KCNH1: variants seen among roughly 807,000 people sequenced by gnomAD.
The protein encoded by KCNH1 is voltage-gated delayed rectifier potassium channel KCNH1.
Under a neutral mutation model 69.2 loss-of-function variants are expected in KCNH1, and 27 were observed. The ratio of observed to expected loss-of-function variants is 0.39; its 90% CI spans 0.29 to 0.54. KCNH1 has a LOEUF of 0.54. Among genes scored for constraint, KCNH1 ranks in the 20% least tolerant of loss-of-function variants. KCNH1 has a pLI of 0.68. For missense variants in KCNH1, 798 were observed against 1,261.6 expected (o/e 0.63, Z 5.57); for synonymous variants, 456 against 487.7 (o/e 0.93, Z 0.86).
chr1:210,983,717 C>T (rs1688763238), intron 6 of KCNH1, among the ~76,000 whole-genome samples: 1 of 152,154 alleles, frequency 6.6e-6, no homozygotes, highest in Non-Finnish European at 1.5e-5. Flanking sequence ...ATGTCTCCAG[C>T]TTTGTTCTTT....
At chr1:210,803,208 T>C (rs1291259767) in intron 8 of KCNH1, among the ~76,000 whole-genome samples, 1 of 152,192 alleles carries the variant, frequency 6.6e-6, no homozygotes, top group Non-Finnish European at 1.5e-5. Context: ...ATTCAAGCAA[T>C]TCTCCTGCCT....
chr1:211,044,444 C>G (rs1690055975), intron 5 of KCNH1, among the ~76,000 whole-genome samples: 2 of 152,216 alleles, frequency 1.3e-5, no homozygotes, highest in South Asian at 4.1e-4. Flanking sequence ...CTTTGCACAG[C>G]AAAAGGAGCA....
chr1:210,842,359 C>T (rs1022106089), intron 7 of KCNH1, among the ~76,000 whole-genome samples: 4 of 152,174 alleles, frequency 2.6e-5, no homozygotes, highest in East Asian at 1.9e-4. Flanking sequence ...TTTAGAGACA[C>T]GAAGAGGGTT....
At chr1:210,873,156 G>T (rs1368138136) in intron 7 of KCNH1, among the ~76,000 whole-genome samples, 1 of 152,046 alleles carries the variant, frequency 6.6e-6, no homozygotes, top group Non-Finnish European at 1.5e-5. Flanking sequence ...ATTACTTCTT[G>T]CTTCCCCTAA....
rs796550323 is a variant in KCNH1 at position 211,068,375 on chromosome 1, C to T, written c.558+14405G>A. Among the ~76,000 whole-genome samples, 7 of 152,240 alleles carry T rather than the reference C, an allele frequency of 4.6e-5. No individual in the cohort carries two copies. In the East Asian group the frequency reaches 1.4e-3, roughly 29 times the overall value. ...TCTCTTCTAATAACAAAGTAAAAAG[C>T]TGAACAATCTGAAAAATCAACTTTT... On this transcript the variant is annotated intron_variant, in intron 5 of 10. Transcript: ENST00000271751.
chr1:210,963,895 C>T (rs1223882320), intron 6 of KCNH1, among the ~76,000 whole-genome samples: 1 of 152,092 alleles, frequency 6.6e-6, no homozygotes, highest in Non-Finnish European at 1.5e-5. Context: ...AGAACTCCCC[C>T]AATAGAGCAA....
At chr1:210,851,020 A>C (rs1178856758) in intron 7 of KCNH1, among the ~76,000 whole-genome samples, 2 of 152,168 alleles carry the variant, frequency 1.3e-5, no homozygotes, top group African/African-American at 4.8e-5. Flanking sequence ...CACTCACCTA[A>C]AGAGCTGTTC....
At chr1:210,748,104 G>A (rs2149040907) in intron 10 of KCNH1, among the ~76,000 whole-genome samples, 1 of 152,340 alleles carries the variant, frequency 6.6e-6, no homozygotes, top group South Asian at 2.1e-4. Flanking sequence ...CTGCATGGGT[G>A]TGAAGGCCAG....
chr1:211,118,477 C>T (rs575474436), intron 1 of KCNH1, among the ~76,000 whole-genome samples: 37 of 152,346 alleles, frequency 2.4e-4, no homozygotes, highest in Admixed American at 7.8e-4. Context: ...GATTCTACTG[C>T]CGCCTTCTGA....
rs529064898 is a variant in KCNH1 at position 210,886,061 on chromosome 1, T to C, written c.1462+33579A>G. 1.8e-4 allele frequency among the ~76,000 whole-genome samples: 28 copies of C among 152,326 alleles called. No homozygotes were observed. In the East Asian group the frequency reaches 5.4e-3, roughly 29 times the overall value. On this transcript the variant is annotated intron_variant, in intron 7 of 10. Coordinates refer to ENST00000271751, the MANE Select transcript of KCNH1 (RefSeq NM_172362.3). ...GAGCTCTGCTAAGGGACAGACTGCC[T>C]ACTCATGTGGGTCCCTGACCCCCAT...
intron 9 of KCNH1, among the ~76,000 whole-genome samples, chr1:210,789,077 T>C (rs1684165667): frequency 6.6e-6 from 1 of 152,088 alleles, no homozygotes; most frequent in Admixed American, 6.5e-5. Context: ...TTGGTTGGAG[T>C]GTTTAGGGTG....
chr1:210,981,278 G>A (rs1284063847), intron 6 of KCNH1, among the ~76,000 whole-genome samples: 2 of 142,118 alleles, frequency 1.4e-5, no homozygotes, highest in African/African-American at 5.2e-5. Context: ...TGGCCAAAAG[G>A]AAAACTCAGC....
intron 6 of KCNH1, among the ~76,000 whole-genome samples, chr1:211,004,392 T>C (rs892098592): frequency 6.6e-6 from 1 of 152,038 alleles, no homozygotes; most frequent in Non-Finnish European, 1.5e-5. Context: ...TTGAAAATAA[T>C]AACATATAAG....
intron 1 of KCNH1, among the ~76,000 whole-genome samples, chr1:211,120,283 G>A (rs1571663274): frequency 6.6e-6 from 1 of 151,224 alleles, no homozygotes; most frequent in Non-Finnish European, 1.5e-5. Context: ...TCTGTCTCCT[G>A]GGTTCAAGCA....
At chr1:210,844,792 G>A (rs1455382099) in intron 7 of KCNH1, among the ~76,000 whole-genome samples, 1 of 152,066 alleles carries the variant, frequency 6.6e-6, no homozygotes, top group African/African-American at 2.4e-5. Flanking sequence ...TCCAGAAGCT[G>A]GTTTTTTGAA....
chr1:210,869,568 A>G (rs1359262159), intron 7 of KCNH1, among the ~76,000 whole-genome samples: 1 of 150,014 alleles, frequency 6.7e-6, no homozygotes, highest in East Asian at 2.0e-4. Flanking sequence ...GATGCTGGAC[A>G]TTGCGCCTTC....
chr1:210,728,499 C>T (rs59780988), intron 10 of KCNH1, among the ~76,000 whole-genome samples: 2,223 of 152,156 alleles, frequency 0.015, 52 homozygotes, highest in African/African-American at 0.051. Context: ...TTAGAATTAA[C>T]GTTTTGCCTT....
chr1:210,772,710 T>C (rs535366468), intron 10 of KCNH1, among the ~76,000 whole-genome samples: 9 of 152,284 alleles, frequency 5.9e-5, no homozygotes, highest in African/African-American at 1.9e-4. Context: ...GATGCCTAAG[T>C]ACCCTCATAA....
chr1:210,943,111 T>C (rs1687901834), intron 6 of KCNH1, among the ~76,000 whole-genome samples: 1 of 152,322 alleles, frequency 6.6e-6, no homozygotes, highest in Admixed American at 6.5e-5. Flanking sequence ...CCCCATTTTA[T>C]GTGAATGTAG....
Sources: gnomAD v4.1 joint callset for allele counts (sites outside exome capture counted in the v4.1 genomes callset) on GRCh38, gnomAD v4.1.1 for gene constraint, MANE v1.5 for transcripts, NCBI Gene and HGNC (gene_info 2026-07-23, HGNC 2026-07-21) for gene names.